Variants in GALNT10 observed in about 807,000 individuals in gnomAD.
The protein encoded by GALNT10 is GalNAc transferase 10.
Under a neutral mutation model 75.0 loss-of-function variants are expected in GALNT10, and 41 were observed. That is an observed-to-expected ratio of 0.55 (90% CI 0.43 to 0.71). The LOEUF is 0.71. GALNT10 is among the 30% of genes least tolerant of loss of function. The pLI, the probability that GALNT10 is intolerant of heterozygous loss-of-function variation, is 0.00. For missense variants in GALNT10, 727 were observed against 818.5 expected (o/e 0.89, Z 1.36); for synonymous variants, 302 against 313.0 (o/e 0.96, Z 0.37).
intron 1 of GALNT10, among the ~76,000 whole-genome samples, chr5:154,211,672 C>T (rs979231030): frequency 2.0e-5 from 3 of 152,090 alleles, no homozygotes; most frequent in Admixed American, 1.3e-4. Flanking sequence ...CTCATGAGGT[C>T]GCTATCAAGA....
Position 154,391,383 on chromosome 5 carries a change from G to T in GALNT10, c.1056+4953G>T, listed in dbSNP as rs560619830. Among the ~76,000 whole-genome samples the T allele has an allele frequency of 6.6e-5, 10 of 152,316 alleles. No individual in the cohort carries two copies. The South Asian group carries it at 2.1e-3, about 32-fold the overall frequency. ...GATTCCAGACCGGATTCTCTATCCT[G>T]ATGAGAAAATCCCCAAAAAGTGTCC... On this transcript the variant is annotated intron_variant, in intron 7 of 11. Transcript: ENST00000297107.
At chr5:154,217,212 G>A (rs776482433) in intron 1 of GALNT10, among the ~76,000 whole-genome samples, 1 of 152,110 alleles carries the variant, frequency 6.6e-6, no homozygotes, top group Non-Finnish European at 1.5e-5. Context: ...TGTCTGGGTA[G>A]ACCTCTCTGA....
intron 1 of GALNT10, among the ~76,000 whole-genome samples, chr5:154,276,464 C>G (rs1430093039): frequency 1.6e-5 from 2 of 121,680 alleles, no homozygotes; most frequent in African/African-American, 2.6e-5. Context: ...TAGGTTAAGT[C>G]GACCTGGATA....
intron 1 of GALNT10, among the ~76,000 whole-genome samples, chr5:154,222,692 T>A (rs970508944): frequency 1.3e-5 from 2 of 152,228 alleles, no homozygotes; most frequent in African/African-American, 2.4e-5. Context: ...ATGTCTCACA[T>A]GAAATTTACA....
At chr5:154,405,461 G>A (rs901386930) in intron 8 of GALNT10, among the ~76,000 whole-genome samples, 1 of 152,134 alleles carries the variant, frequency 6.6e-6, no homozygotes, top group Non-Finnish European at 1.5e-5. Flanking sequence ...CGGGCGGGGG[G>A]TAGGTTCTAG....
intron 1 of GALNT10, among the ~76,000 whole-genome samples, chr5:154,233,925 A>G (rs565098860): frequency 1.3e-5 from 2 of 152,284 alleles, no homozygotes; most frequent in African/African-American, 4.8e-5. Flanking sequence ...GTCCTGAGCT[A>G]TGGTGGTGGC....
Position 154,329,722 on chromosome 5 carries a change from C to T in GALNT10, c.552C>T (p.Asp184=), listed in dbSNP as rs781182239. The T allele has an allele frequency of 3.7e-5, 59 of 1,612,990 alleles. No homozygotes were observed. The highest frequency in any genetic ancestry group is 8.0e-5 in the African/African-American group (6 of 74,890). The part of the protein sequence containing the change: ...PELVAEIVLV[D]DFSDREHLKK... ...TGGTCGCCGAGATTGTACTGGTCGA[C>T]GACTTCAGTGATCGAGGTAGGATCC... Residue 184 remains aspartate, a synonymous_variant, in exon 4 of 12, where the codon GAC becomes GAT. Coordinates refer to ENST00000297107, the MANE Select transcript of GALNT10 (RefSeq NM_198321.4).
At chr5:154,192,270 AAC>A (rs2113636375) in intron 1 of GALNT10, among the ~76,000 whole-genome samples, 1 of 152,356 alleles carries the variant, frequency 6.6e-6, no homozygotes, top group African/African-American at 2.4e-5. Flanking sequence ...CTCCGCCTGT[AAC>A]TCTGTTAATT....
chr5:154,414,068 T>C (rs571835523), intron 10 of GALNT10, among the ~76,000 whole-genome samples: 125 of 152,246 alleles, frequency 8.2e-4, no homozygotes, highest in Admixed American at 2.0e-3. Context: ...AATAGAGAAA[T>C]AGAACTTGCA....
At chr5:154,213,867 A>G (rs551145846) in intron 1 of GALNT10, among the ~76,000 whole-genome samples, 104 of 152,248 alleles carry the variant, frequency 6.8e-4, no homozygotes, top group Non-Finnish European at 1.2e-3. Flanking sequence ...ACAGGCACGA[A>G]CCATGTGCAC....
At position 154,338,053 on chromosome 5, in the gene GALNT10, A is replaced by G; in HGVS notation, c.568+8315A>G. 11 of 1,350,568 alleles carry G rather than the reference A, an allele frequency of 8.1e-6. No individual in the cohort carries two copies. The Middle Eastern group carries it at 1.8e-3, about 219-fold the overall frequency. 83.7% of individuals were successfully genotyped at this position (1,350,568 alleles called of 1,614,324 possible). On this transcript the variant is annotated intron_variant, in intron 4 of 11. Transcript: ENST00000297107. The stretch of plus-strand genomic sequence containing the variant: ...ATCACTTCATTTTTCCATACTGTTC[A>G]AAATAATCTCTTAGGTGATGTTCTT...
chr5:154,332,985 A>G (rs868181417), intron 4 of GALNT10, among the ~76,000 whole-genome samples: 14 of 152,146 alleles, frequency 9.2e-5, no homozygotes, highest in African/African-American at 2.7e-4. Flanking sequence ...TTAGAAAAGA[A>G]TTTCAAGATC....
intron 7 of GALNT10, among the ~76,000 whole-genome samples, chr5:154,398,785 T>G (rs1425817393): frequency 6.6e-6 from 1 of 152,124 alleles, no homozygotes; most frequent in Non-Finnish European, 1.5e-5. Context: ...ATAATATCAT[T>G]CTCTTGGTCA....
At chr5:154,273,739 T>C (rs1434913078) in intron 1 of GALNT10, among the ~76,000 whole-genome samples, 2 of 152,266 alleles carry the variant, frequency 1.3e-5, no homozygotes, top group Non-Finnish European at 2.9e-5. Flanking sequence ...ATTACTTTTA[T>C]AATTGCAAAT....
intron 1 of GALNT10, among the ~76,000 whole-genome samples, chr5:154,227,127 G>T (rs1406726434): frequency 1.3e-5 from 2 of 152,094 alleles, no homozygotes; most frequent in Non-Finnish European, 2.9e-5. Flanking sequence ...CTAGTTTTGT[G>T]CTATTACAAA....
At chr5:154,229,077 T>C (rs1004998238) in intron 1 of GALNT10, among the ~76,000 whole-genome samples, 5 of 152,250 alleles carry the variant, frequency 3.3e-5, no homozygotes, top group African/African-American at 1.2e-4. Flanking sequence ...ATGTTTCTTC[T>C]CTGGTAACGT....
intron 3 of GALNT10, among the ~76,000 whole-genome samples, chr5:154,310,221 G>C (rs1342524323): frequency 2.0e-5 from 3 of 152,092 alleles, no homozygotes; most frequent in Non-Finnish European, 4.4e-5. Flanking sequence ...GATTCATGTG[G>C]TAGAGCAAGC....
At chr5:154,358,079 C>T (rs1386411647) in intron 4 of GALNT10, among the ~76,000 whole-genome samples, 1 of 152,106 alleles carries the variant, frequency 6.6e-6, no homozygotes, top group Non-Finnish European at 1.5e-5. Context: ...GTACCTCTAC[C>T]CGGCAGTTCA....
intron 1 of GALNT10, among the ~76,000 whole-genome samples, chr5:154,202,342 AG>A (rs1775039366): frequency 6.6e-6 from 1 of 152,206 alleles, no homozygotes; most frequent in Non-Finnish European, 1.5e-5. Flanking sequence ...TGTGGGGCAC[AG>A]CTCGGTGTGG....
Sources: allele counts gnomAD v4.1 joint callset (sites outside exome capture counted in the v4.1 genomes callset), GRCh38; gene constraint gnomAD v4.1.1; transcripts MANE v1.5; gene names NCBI Gene and HGNC (gene_info 2026-07-23, HGNC 2026-07-21).